MPDZ: variants seen among roughly 807,000 people sequenced by gnomAD.
The protein encoded by MPDZ is multiple PDZ domain crumbs cell polarity complex component.
A neutral mutation model predicts 239.1 loss-of-function variants in MPDZ; 234 were observed. The observed-to-expected ratio is 0.98, with a 90% CI of 0.88 to 1.09. The LOEUF (loss-of-function observed/expected upper bound fraction) is 1.09. Among genes scored for constraint, MPDZ ranks in the 50% least tolerant of loss-of-function variants. The pLI, the probability that MPDZ is intolerant of heterozygous loss-of-function variation, is 0.00. For synonymous variants in MPDZ, 1,048 were observed against 881.3 expected (o/e 1.19, Z -3.35); for missense variants, 3,175 against 2,510.0 (o/e 1.26, Z -5.66).
At chr9:13,199,108 A>C (rs972127710) in intron 12 of MPDZ, among the ~76,000 whole-genome samples, 1 of 151,926 alleles carries the variant, frequency 6.6e-6, no homozygotes, top group Non-Finnish European at 1.5e-5. Flanking sequence ...GGTAGTATTG[A>C]TATTTTAACA....
intron 8 of MPDZ, among the ~76,000 whole-genome samples, chr9:13,217,778 T>C (rs1403678993): frequency 6.6e-6 from 1 of 151,890 alleles, no homozygotes; most frequent in South Asian, 2.1e-4. Flanking sequence ...TACCATTTAT[T>C]GAGCAGTTTG....
intron 32 of MPDZ, among the ~76,000 whole-genome samples, chr9:13,131,217 C>T (rs908433328): frequency 2.0e-5 from 3 of 152,022 alleles, no homozygotes; most frequent in Admixed American, 1.3e-4. Context: ...GTTAGGAGTG[C>T]CAGGCTTAGT....
intron 23 of MPDZ, 38 bp downstream of exon 23, chr9:13,162,653 T>C (rs370384910): frequency 8.0e-6 from 11 of 1,380,828 alleles, no homozygotes; most frequent in Non-Finnish European, 1.1e-5. Context: ...TACAACTTGC[T>C]GTACCATTCA....
At chr9:13,247,605 G>C in intron 3 of MPDZ, 30 bp downstream of exon 3, 3 of 1,588,218 alleles carry the variant, frequency 1.9e-6, no homozygotes, top group Non-Finnish European at 2.6e-6. Flanking sequence ...GCCATGTCGT[G>C]AATGCCTGCT....
chr9:13,247,757 G>C lies in MPDZ; in HGVS notation c.61C>G (p.Leu21Val), dbSNP rs1966846972. Residue 21 changes from leucine to valine, a missense_variant, in exon 3 of 47, where the codon CTG becomes GTG. Transcript: ENST00000319217. ...LHAAERLQTK[L>V]RERGDVANED... ...TTTGCTACATCCCCACGTTCTCGCA[G>C]CTTGGTTTGCAAGCGCTCTGCTGCA... is the stretch of plus-strand genomic sequence containing the variant. The C allele has an allele frequency of 1.9e-6, 3 of 1,612,744 alleles. No homozygotes were observed. The highest frequency in any genetic ancestry group is 2.5e-6 in the Non-Finnish European group (3 of 1,178,920).
chr9:13,110,689 G>A lies in MPDZ; in HGVS notation c.5776C>T (p.His1926Tyr). The A allele has an allele frequency of 1.2e-6, 2 of 1,613,682 alleles. No individual in the cohort carries two copies. The highest frequency in any genetic ancestry group is 1.7e-6 in the Non-Finnish European group (2 of 1,179,768). The change falls in exon 44 of 47, where the codon CAC becomes TAC. Residue 1926 changes from histidine to tyrosine, a missense_variant. Transcript: ENST00000319217. ...TTCAGTAGGTTAACTGCTTGGGTGT[G>A]AGTCATGCCCTCAGTGGATGTGCCA... Reference protein sequence around the residue: ...ICGTSTEGMTHTQAVNLLKNA... With the variant: ...ICGTSTEGMTYTQAVNLLKNA...
chr9:13,213,692 T>C (rs1172360179), intron 10 of MPDZ, among the ~76,000 whole-genome samples: 1 of 152,094 alleles, frequency 6.6e-6, no homozygotes, highest in Non-Finnish European at 1.5e-5. Context: ...AGTGATTTTA[T>C]TGAAAGCAAG....
intron 42 of MPDZ, among the ~76,000 whole-genome samples, 151 bp from the exon 43 acceptor site, chr9:13,112,297 G>C (rs1210513763): frequency 6.6e-6 from 1 of 152,214 alleles, no homozygotes; most frequent in East Asian, 1.9e-4. Context: ...TACTTTACTT[G>C]ACACAGGTGC....
chr9:13,211,234 C>G (rs1403203223), intron 10 of MPDZ, among the ~76,000 whole-genome samples: 1 of 152,076 alleles, frequency 6.6e-6, no homozygotes, highest in Non-Finnish European at 1.5e-5. Context: ...GACATGAAGA[C>G]TTGCCTAAGA....
intron 23 of MPDZ, among the ~76,000 whole-genome samples, chr9:13,160,621 T>C (rs1312335378): frequency 6.6e-6 from 1 of 151,448 alleles, no homozygotes; most frequent in Non-Finnish European, 1.5e-5. Flanking sequence ...TATAACCAAC[T>C]CATGCCATTA....
At chr9:13,274,888 AAG>A (rs1453967099) in intron 1 of MPDZ, among the ~76,000 whole-genome samples, 2 of 152,210 alleles carry the variant, frequency 1.3e-5, no homozygotes, top group Admixed American at 1.3e-4. Flanking sequence ...GAACCATTAA[AAG>A]AAATATTTTA....
intron 3 of MPDZ, among the ~76,000 whole-genome samples, chr9:13,232,865 GAA>G (rs751725550): frequency 2.6e-5 from 2 of 76,436 alleles, no homozygotes; most frequent in Admixed American, 1.4e-4. Flanking sequence ...AAAATGGGTG[GAA>G]AAAAAAAAAA....
At chr9:13,226,341 T>C (rs984111200) in intron 3 of MPDZ, among the ~76,000 whole-genome samples, 11 of 152,142 alleles carry the variant, frequency 7.2e-5, no homozygotes, top group African/African-American at 9.6e-5. Context: ...CCTAATTTCA[T>C]ATTTATGTTG....
At chr9:13,277,633 C>A (rs917140134) in intron 1 of MPDZ, among the ~76,000 whole-genome samples, 2 of 152,098 alleles carry the variant, frequency 1.3e-5, no homozygotes, top group African/African-American at 2.4e-5. Flanking sequence ...GGCGCGATCT[C>A]GGCTCAATGC....
intron 25 of MPDZ, among the ~76,000 whole-genome samples, chr9:13,150,106 A>C (rs1382637424): frequency 1.3e-5 from 2 of 152,054 alleles, no homozygotes; most frequent in Admixed American, 6.6e-5. Context: ...TGTATGTCTA[A>C]TGTAATCTTA....
chr9:13,279,250 T>TACCCCCCCCCCC (rs1564192127), intron 1 of MPDZ, 150 bp downstream of exon 1: 7 of 45,838 alleles, frequency 1.5e-4, no homozygotes, highest in Non-Finnish European at 2.7e-4. Flanking sequence ...CCGCCACCCC[T>TACCCCCCCCCCC]ACCCCCACCC....
intron 1 of MPDZ, chr9:13,274,612 T>TA (rs1973744729): frequency 1.4e-5 from 2 of 141,524 alleles, no homozygotes; most frequent in South Asian, 2.2e-4. Context: ...TTGCAACACC[T>TA]AAAAAACAAA....
At chr9:13,215,654 A>C in intron 10 of MPDZ, among the ~76,000 whole-genome samples, 1 of 151,658 alleles carries the variant, frequency 6.6e-6, no homozygotes, top group East Asian at 1.9e-4. Context: ...GATGTCTTTC[A>C]AAGAATATGA....
At chr9:13,278,873 G>C (rs1195282982) in intron 1 of MPDZ, among the ~76,000 whole-genome samples, 1 of 151,970 alleles carries the variant, frequency 6.6e-6, no homozygotes, top group African/African-American at 2.4e-5. Flanking sequence ...ACGGCGGATG[G>C]GGCGTCCGGG....
Sources: gnomAD v4.1 joint callset for allele counts (sites outside exome capture counted in the v4.1 genomes callset) on GRCh38, gnomAD v4.1.1 for gene constraint, MANE v1.5 for transcripts, NCBI Gene and HGNC (gene_info 2026-07-23, HGNC 2026-07-21) for gene names.